Variants in KSR2 observed in about 807,000 individuals in gnomAD.
The protein encoded by KSR2 is kinase suppressor of ras 2.
In KSR2, 25 loss-of-function variants were observed where a neutral mutation model predicts 107.8. The observed-to-expected ratio is 0.23, with a 90% CI of 0.17 to 0.32. The LOEUF is 0.32. Ranked by LOEUF, KSR2 falls within the 10% of genes least tolerant of loss-of-function variation. The pLI, the probability that KSR2 is intolerant of heterozygous loss-of-function variation, is 1.00. For missense variants in KSR2, 887 were observed against 1,268.9 expected (o/e 0.70, Z 4.57); for synonymous variants, 480 against 507.0 (o/e 0.95, Z 0.71).
At chr12:117,793,236 A>G (rs1890346883) in intron 3 of KSR2, among the ~76,000 whole-genome samples, 1 of 144,184 alleles carries the variant, frequency 6.9e-6, no homozygotes, top group Non-Finnish European at 1.5e-5. Flanking sequence ...ACATGCACAC[A>G]CACCAACCTG....
At chr12:117,962,761 G>GT (rs1366584586) in intron 1 of KSR2, among the ~76,000 whole-genome samples, 1 of 150,856 alleles carries the variant, frequency 6.6e-6, no homozygotes, top group Non-Finnish European at 1.5e-5. Flanking sequence ...ACCTGTTTTT[G>GT]TAAGGCCCAG....
intron 14 of KSR2, among the ~76,000 whole-genome samples, chr12:117,520,280 C>T (rs1320500860): frequency 6.6e-6 from 1 of 152,198 alleles, no homozygotes; most frequent in Non-Finnish European, 1.5e-5. Context: ...ATAGGAGAAC[C>T]TCACCACGCC....
intron 14 of KSR2, among the ~76,000 whole-genome samples, chr12:117,515,545 G>T (rs143868788): frequency 8.4e-4 from 128 of 152,302 alleles, no homozygotes; most frequent in Non-Finnish European, 1.5e-3. Flanking sequence ...GTTCTAAGGT[G>T]GGGGAGGGAA....
chr12:117,950,793 A>G (rs1009601810), intron 1 of KSR2, among the ~76,000 whole-genome samples: 9 of 150,260 alleles, frequency 6.0e-5, no homozygotes, highest in Non-Finnish European at 8.9e-5. Flanking sequence ...AATAAAAGTA[A>G]AAATACACTG....
chr12:117,580,881 G>A (rs1409921244), intron 6 of KSR2, among the ~76,000 whole-genome samples: 1 of 152,062 alleles, frequency 6.6e-6, no homozygotes, highest in Admixed American at 6.6e-5. Context: ...CAAGGGCGTG[G>A]CTGAGCCTGG....
intron 4 of KSR2, among the ~76,000 whole-genome samples, chr12:117,728,748 G>C (rs1565982420): frequency 6.6e-6 from 1 of 152,202 alleles, no homozygotes; most frequent in Non-Finnish European, 1.5e-5. Context: ...CAGACTCACA[G>C]GGTCTCAGTA....
At chr12:117,751,600 T>C (rs1322459990) in intron 4 of KSR2, among the ~76,000 whole-genome samples, 2 of 152,196 alleles carry the variant, frequency 1.3e-5, no homozygotes, top group African/African-American at 2.4e-5. Flanking sequence ...TTAAGTAGCA[T>C]GACTGTTGTA....
intron 1 of KSR2, among the ~76,000 whole-genome samples, chr12:117,902,624 T>C (rs974279728): frequency 6.6e-6 from 1 of 151,874 alleles, no homozygotes; most frequent in East Asian, 1.9e-4. Flanking sequence ...GGGATAGCAT[T>C]AGGAGAAACA....
At chr12:117,866,038 C>CTTTTTTTTTTTT (rs397838492) in intron 1 of KSR2, among the ~76,000 whole-genome samples, 1 of 124,236 alleles carries the variant, frequency 8.0e-6, no homozygotes. Flanking sequence ...TAATCTCTCT[C>CTTTTTTTTTTTT]TTTTTTTTTT....
At position 117,701,948 on chromosome 12, in the gene KSR2, C is replaced by T. The variant is rs932566060; in HGVS notation, c.987-34290G>A. On this transcript the variant is annotated intron_variant, in intron 4 of 19. Transcript: ENST00000339824. ...AAAAATTTCTATTGCTTTCAGCCAT[C>T]AAATTTGGGGTAATTTGTTATAGGA... Among the ~76,000 whole-genome samples, 7 of 152,328 alleles carry T rather than the reference C, an allele frequency of 4.6e-5. No individual in the cohort carries two copies. In the South Asian group the frequency reaches 1.5e-3, roughly 32 times the overall value.
chr12:117,765,928 G>T (rs1014646341), intron 3 of KSR2, among the ~76,000 whole-genome samples: 1 of 152,182 alleles, frequency 6.6e-6, no homozygotes, highest in Non-Finnish European at 1.5e-5. Flanking sequence ...CATCTATTCT[G>T]GGTGCCTTGT....
chr12:117,532,427 G>C (rs1875713887), intron 10 of KSR2, among the ~76,000 whole-genome samples: 2 of 152,064 alleles, frequency 1.3e-5, no homozygotes, highest in South Asian at 4.1e-4. Flanking sequence ...TAAGGACTTT[G>C]TGATTATATT....
chr12:117,728,287 G>A (rs1407621300), intron 4 of KSR2, among the ~76,000 whole-genome samples: 1 of 152,146 alleles, frequency 6.6e-6, no homozygotes, highest in East Asian at 1.9e-4. Context: ...AAGATAAGGG[G>A]CAAATAAGGG....
At chr12:117,745,218 T>A (rs1888365597) in intron 4 of KSR2, among the ~76,000 whole-genome samples, 1 of 152,176 alleles carries the variant, frequency 6.6e-6, no homozygotes, top group Admixed American at 6.6e-5. Context: ...GTAAATGAAC[T>A]TGGACAAGGT....
chr12:117,538,090 G>A (rs1259567111), intron 10 of KSR2, among the ~76,000 whole-genome samples: 3 of 124,006 alleles, frequency 2.4e-5, no homozygotes, highest in Non-Finnish European at 3.3e-5. Context: ...GTGGTCATGG[G>A]AAGTCTAACG....
rs1055605702 is a variant in KSR2, at chr12:117,965,226, T to C, written c.180+2850A>G. Among the ~76,000 whole-genome samples, 3 of 152,212 alleles carry C rather than the reference T, an allele frequency of 2.0e-5. No individual in the cohort carries two copies. In the East Asian group the frequency reaches 5.8e-4, roughly 29 times the overall value. On this transcript the variant is annotated intron_variant, in intron 1 of 19. Transcript: ENST00000339824. ...GTAATCGCTGAAGCTGCAGGAACCA[T>C]CTTGCAACCATAAGAGAAAAGCCAT...
At position 117,761,176 on chromosome 12, in the gene KSR2, G is replaced by A. The variant is rs753606177; in HGVS notation, c.821C>T (p.Pro274Leu). 6.2e-7 allele frequency: 1 copy of A among 1,601,540 alleles called. No individual in the cohort carries two copies. The highest frequency in any genetic ancestry group is 8.5e-7 in the Non-Finnish European group (1 of 1,172,558). ...TPNIVTTVTPPGTPPMRKKNK... is the reference protein window; with the variant it reads ...TPNIVTTVTPLGTPPMRKKNK... ...CTTCTTCCTCATGGGCGGCGTGCCC[G>A]GCGGGGTCACGGTGGTGACGATGTT... Residue 274 changes from proline (P) to leucine (L), a missense_variant, in exon 4 of 20, where the codon CCG (proline) becomes CTG (leucine). By Grantham distance (98) the Pro-to-Leu change is moderately conservative (BLOSUM62 -3). This residue lies in a region of KSR2 where 399 missense variants were observed against 479.5 expected (regional missense o/e 0.83). Transcript: ENST00000339824.
chr12:117,613,472 C>G (rs1226237491), intron 5 of KSR2, among the ~76,000 whole-genome samples: 5 of 152,122 alleles, frequency 3.3e-5, no homozygotes, highest in Non-Finnish European at 5.9e-5. Flanking sequence ...CGAGGCTGAT[C>G]AGTGGCACCT....
At chr12:117,859,060 G>A (rs1593312371) in intron 2 of KSR2, among the ~76,000 whole-genome samples, 1 of 151,602 alleles carries the variant, frequency 6.6e-6, no homozygotes, top group Non-Finnish European at 1.5e-5. Context: ...TTTGAGAGCG[G>A]ACATAAGATG....
Sources: gnomAD v4.1 joint callset for allele counts (sites outside exome capture counted in the v4.1 genomes callset) on GRCh38, gnomAD v4.1.1 for gene constraint, gnomAD v4.1.1 regional missense constraint, MANE v1.5 for transcripts, NCBI Gene and HGNC (gene_info 2026-07-23, HGNC 2026-07-21) for gene names.